Variants in ALDH16A1 observed in about 807,000 individuals in gnomAD.
ALDH16A1 encodes aldehyde dehydrogenase family 16 member A1.
In ALDH16A1, 88 loss-of-function variants were observed where a neutral mutation model predicts 96.1. The ratio of observed to expected loss-of-function variants is 0.92; its 90% CI spans 0.77 to 1.09. The LOEUF is 1.09. Ranked by LOEUF, ALDH16A1 falls within the 50% of genes least tolerant of loss-of-function variation. The probability of loss-of-function intolerance (pLI) is 0.00; values close to 1 mark genes in which losing one functional copy is unlikely to be tolerated. For synonymous variants in ALDH16A1, 522 were observed against 496.4 expected, an observed-to-expected ratio of 1.05 and a Z score of -0.69; for missense variants, 1,250 against 1,112.6, an observed-to-expected ratio of 1.12 and a Z score of -1.76.
At position 49,459,913 on chromosome 19, in the gene ALDH16A1, T is replaced by A; in HGVS notation, c.499+65T>A. On this transcript the variant is annotated intron_variant, in intron 4 of 16. Coordinates refer to ENST00000293350, the MANE Select transcript of ALDH16A1 (RefSeq NM_153329.4). This position sits in a 1 kb window ranked among gnomAD's most constrained non-coding sequence, Gnocchi z 4.1. ...CTCAGCAGTGCTAGCTCCAGTCCCC[T>A]CATTCTTTTTCTTTTAGACAGAGTT... The A allele has an allele frequency of 2.0e-6, 3 of 1,510,838 alleles. No individual in the cohort carries two copies. The highest frequency in any genetic ancestry group is 2.4e-5 in the Admixed American group (1 of 41,212). 93.6% of individuals were successfully genotyped at this position (1,510,838 alleles called of 1,614,324 possible). A position where few individuals can be genotyped will look rare whatever the true frequency, so the allele number is the denominator to read the frequency against.
intron 16 of ALDH16A1, 174 bp from the exon 17 acceptor site, chr19:49,470,132 C>A (rs2079232830): frequency 2.8e-6 from 2 of 725,646 alleles, no homozygotes; most frequent in Admixed American, 5.8e-5. Context: ...ACCACTGGGT[C>A]CAGTGCTTTT....
chr19:49,453,690 A>C (rs3810192), intron 1 of ALDH16A1, among the ~76,000 whole-genome samples: 2 of 151,284 alleles, frequency 1.3e-5, no homozygotes, highest in East Asian at 3.9e-4. Flanking sequence ...GTTTTCCTGA[A>C]CTCCTCTAGA....
chr19:49,463,702 G>C (rs2079172857), intron 8 of ALDH16A1, 152 bp from the exon 9 acceptor site: 1 of 581,422 alleles, frequency 1.7e-6, no homozygotes. Flanking sequence ...TCTGAGGGAG[G>C]AGAGGCTGGG....
At position 49,459,892 on chromosome 19, in the gene ALDH16A1, G is replaced by C; in HGVS notation, c.499+44G>C. On this transcript the variant is annotated intron_variant, in intron 4 of 16. Transcript: ENST00000293350. The surrounding 1 kb of genome is among the most constrained non-coding windows in gnomAD (Gnocchi z 4.1). The stretch of plus-strand genomic sequence containing the variant: ...TAGCCCTATCCTCCCACATGACTCA[G>C]CAGTGCTAGCTCCAGTCCCCTCATT... 1 of 1,578,364 alleles carries C rather than the reference G, an allele frequency of 6.3e-7. No homozygotes were observed. Among genetic ancestry groups the C allele is most frequent in the Non-Finnish European group, 8.6e-7 (1 of 1,163,848 alleles).
chr19:49,458,127 G>A (rs2079115913), intron 1 of ALDH16A1, among the ~76,000 whole-genome samples: 1 of 152,066 alleles, frequency 6.6e-6, no homozygotes, highest in African/African-American at 2.4e-5. Flanking sequence ...ATTGAGGCGG[G>A]AGAATAGCGT....
At chr19:49,462,541 T>C (rs778154848) in intron 7 of ALDH16A1, 29 bp from the exon 8 acceptor site, 1 of 1,606,140 alleles carries the variant, frequency 6.2e-7, no homozygotes. Context: ...TGCAATGGTG[T>C]GATCTCCTGA....
In ALDH16A1 at chr19:49,461,912, C is replaced by G. The variant is rs745940024; in HGVS notation, c.788C>G (p.Ala263Gly). ...GGGCGTGCCCTTCGACGGAGCCTGG[C>G]GGGAGAGTGTGCGGAGCTGGGCCTG... Reference protein sequence around the residue: ...EEGRALRRSLAGECAELGLAL... With the variant: ...EEGRALRRSLGGECAELGLAL... Residue 263 changes from alanine to glycine, a missense_variant, in exon 7 of 17, where the codon GCG (alanine) becomes GGG (glycine). By Grantham distance (60) the Ala-to-Gly change is moderately conservative. Coordinates refer to ENST00000293350, the MANE Select transcript of ALDH16A1 (RefSeq NM_153329.4). 1 of 1,580,492 alleles carries G rather than the reference C, an allele frequency of 6.3e-7. No homozygotes were observed. The highest frequency in any genetic ancestry group is 8.6e-7 in the Non-Finnish European group (1 of 1,164,134).
intron 8 of ALDH16A1, 94 bp downstream of exon 8, chr19:49,462,849 C>A: frequency 8.2e-7 from 1 of 1,225,402 alleles, no homozygotes; most frequent in Non-Finnish European, 1.1e-6. Flanking sequence ...TGGGCGTGGA[C>A]AACTGGGTCC....
At chr19:49,460,738 A>G in intron 4 of ALDH16A1, 84 bp from the exon 5 acceptor site, 1 of 889,242 alleles carries the variant, frequency 1.1e-6, no homozygotes, top group Non-Finnish European at 1.7e-6. Flanking sequence ...TTCCTAATGT[A>G]GCCATGGGGT....
intron 11 of ALDH16A1, 47 bp from the exon 12 acceptor site, chr19:49,464,585 C>G (rs199547632): frequency 6.2e-7 from 1 of 1,613,448 alleles, no homozygotes; most frequent in Admixed American, 1.7e-5. Context: ...CACTCGCATC[C>G]GGCCTCGCGT....
Position 49,468,175 on chromosome 19 carries a change from G to T in ALDH16A1, c.1939-206G>T. ...AGTCCGTCTCAAAAAAAAAAAAAAA[G>T]AAAGGCGGTTATGCAGGATGTTTCT... is the stretch of plus-strand genomic sequence containing the variant. On this transcript the variant is annotated intron_variant, in intron 14 of 16. Transcript: ENST00000293350. This position sits in a 1 kb window ranked among gnomAD's most constrained non-coding sequence, Gnocchi z 4.4. 19 of 452,224 alleles carry T rather than the reference G, an allele frequency of 4.2e-5. No homozygotes were observed. Among genetic ancestry groups the T allele is most frequent in the Non-Finnish European group, 7.4e-5 (19 of 257,574 alleles). The allele number at this position is 452,224 out of a possible 1,614,324, so 28.0% of individuals were successfully genotyped here. A position where few individuals can be genotyped will look rare whatever the true frequency, so the allele number is the denominator to read the frequency against.
chr19:49,460,270 TTCTC>T (rs1255506937), intron 4 of ALDH16A1, among the ~76,000 whole-genome samples: 1 of 152,020 alleles, frequency 6.6e-6, no homozygotes, highest in Non-Finnish European at 1.5e-5. Flanking sequence ...GACAGGGTCT[TTCTC>T]TGTCACCCTG....
intron 1 of ALDH16A1, among the ~76,000 whole-genome samples, chr19:49,454,884 C>G (rs946548714): frequency 6.6e-6 from 1 of 151,998 alleles, no homozygotes; most frequent in African/African-American, 2.4e-5. Flanking sequence ...TTTGGGAGTC[C>G]TAGGTGGGCG....
At position 49,459,087 on chromosome 19, in the gene ALDH16A1, G is replaced by A. The variant is rs769008127; in HGVS notation, c.320+1G>A. 1 of 1,612,116 alleles carries A rather than the reference G, an allele frequency of 6.2e-7. No homozygotes were observed. The highest frequency in any genetic ancestry group is 1.3e-5 in the African/African-American group (1 of 74,924). ...TCGTCCGGGCCCAGCACCTGACCAG[G>A]TGATGCAGCTGAGGTGTGGACCCCG... On this transcript the variant is annotated splice_donor_variant, in intron 3 of 16. Transcript: ENST00000293350. LOFTEE classifies it high-confidence loss of function. This position sits in a 1 kb window ranked among gnomAD's most constrained non-coding sequence, Gnocchi z 4.1.
At chr19:49,454,042 T>TTTTTTTTG (rs2079090877) in intron 1 of ALDH16A1, among the ~76,000 whole-genome samples, 1 of 150,190 alleles carries the variant, frequency 6.7e-6, no homozygotes, top group African/African-American at 2.5e-5. Context: ...TTTTTTTTTT[T>TTTTTTTTG]GAGCCAGGGT....
At position 49,468,810 on chromosome 19, in the gene ALDH16A1, C is replaced by T; in HGVS notation, c.2125-54C>T. 6.3e-7 allele frequency: 1 copy of T among 1,586,904 alleles called. No individual in the cohort carries two copies. The highest frequency in any genetic ancestry group is 8.6e-7 in the Non-Finnish European group (1 of 1,164,230). The stretch of plus-strand genomic sequence containing the variant: ...CCCATGGGCACCCCCTGAATGCCCA[C>T]TCCTTGCCCTGCCCCCACGGCCTCC... On this transcript the variant is annotated intron_variant, in intron 15 of 16. Transcript: ENST00000293350. This position sits in a 1 kb window ranked among gnomAD's most constrained non-coding sequence, Gnocchi z 4.4.
At chr19:49,464,865 C>T in intron 12 of ALDH16A1, 103 bp downstream of exon 12, 1 of 1,548,266 alleles carries the variant, frequency 6.5e-7, no homozygotes, top group East Asian at 2.2e-5. Context: ...CCATCCAAAC[C>T]ATCTCTTAGT....
In ALDH16A1 at chr19:49,461,807, T is replaced by C. The variant is rs1328861185; in HGVS notation, c.759+7T>C. 4 of 1,609,816 alleles carry C rather than the reference T, an allele frequency of 2.5e-6. No homozygotes were observed. Among genetic ancestry groups the C allele is most frequent in the Non-Finnish European group, 3.4e-6 (4 of 1,178,248 alleles). On this transcript the variant is annotated splice_region_variant and intron_variant, in intron 6 of 16. Coordinates refer to ENST00000293350, the MANE Select transcript of ALDH16A1 (RefSeq NM_153329.4). ...CTTCTGCGGAGCCCCGGAGGTACCT[T>C]CGGGACAGGGGTCGTGGCGGAACGC... is the stretch of plus-strand genomic sequence containing the variant.
At position 49,468,926 on chromosome 19, in the gene ALDH16A1, G is replaced by C; in HGVS notation, c.2187G>C (p.Leu729=). ...TGGTGACAGGAGACCGGGACCATCT[G>C]ACCCGCTGCCTGGCCTTGCACCAAG... ...ANVVTGDRDH[L]TRCLALHQDV... is the part of the protein sequence containing the mutation. Residue 729 remains leucine (L), a synonymous_variant, in exon 16 of 17, where the codon CTG becomes CTC. Coordinates refer to ENST00000293350, the MANE Select transcript of ALDH16A1 (RefSeq NM_153329.4). This position sits in a 1 kb window ranked among gnomAD's most constrained non-coding sequence, Gnocchi z 4.4. 8 of 1,614,064 alleles carry C rather than the reference G, an allele frequency of 5.0e-6. No individual in the cohort carries two copies. Among genetic ancestry groups the C allele is most frequent in the Non-Finnish European group, 6.8e-6 (8 of 1,180,008 alleles).
Sources: allele counts gnomAD v4.1 joint callset (sites outside exome capture counted in the v4.1 genomes callset), GRCh38; gene constraint gnomAD v4.1.1; non-coding constraint Gnocchi (gnomAD v3.1); transcripts MANE v1.5; gene names NCBI Gene and HGNC (gene_info 2026-07-23, HGNC 2026-07-21).